Variants in MSRB3 observed in about 807,000 individuals in gnomAD.
MSRB3 encodes the protein methionine sulfoxide reductase B3.
In MSRB3, 13 loss-of-function variants were observed where a neutral mutation model predicts 21.0. The observed-to-expected ratio is 0.62, with a 90% CI of 0.40 to 0.98. MSRB3 has a LOEUF of 0.98. Among genes scored for constraint, MSRB3 ranks in the 50% least tolerant of loss-of-function variants. The pLI is 0.00. For missense variants in MSRB3, 199 were observed against 230.3 expected (o/e 0.86, Z 0.88); for synonymous variants, 87 against 88.6 (o/e 0.98, Z 0.10).
Position 65,463,538 on chromosome 12 carries a change from C to G in MSRB3, c.*216C>G, listed in dbSNP as rs1883427979. The G allele has an allele frequency of 1.8e-6, 1 of 568,926 alleles. No homozygotes were observed. 35.2% of individuals were successfully genotyped at this position (568,926 alleles called of 1,614,324 possible). On this transcript the variant is annotated 3_prime_UTR_variant, in exon 7 of 7. Coordinates refer to ENST00000308259, the MANE Select transcript of MSRB3 (RefSeq NM_001031679.3). ...TGTTTATAGCTTTAGCAAATGGAGA[C>G]AGCTTTGTGAAACTTCTTCACAAGC... is the stretch of plus-strand genomic sequence containing the variant.
intron 5 of MSRB3, among the ~76,000 whole-genome samples, chr12:65,440,153 T>C (rs1157917028): frequency 1.3e-5 from 2 of 151,758 alleles, no homozygotes; most frequent in East Asian, 1.9e-4. Context: ...ATTATAATAC[T>C]ATAGCATATA....
chr12:65,346,705 T>G (rs1174968429), intron 4 of MSRB3, among the ~76,000 whole-genome samples: 1 of 152,198 alleles, frequency 6.6e-6, no homozygotes, highest in Non-Finnish European at 1.5e-5. Context: ...CTTCTAGGGT[T>G]TTTATGATTT....
At chr12:65,330,715 C>T (rs1875357294) in intron 4 of MSRB3, among the ~76,000 whole-genome samples, 1 of 152,072 alleles carries the variant, frequency 6.6e-6, no homozygotes, top group South Asian at 2.1e-4. Flanking sequence ...AATGACAGTT[C>T]GGCAACTTTA....
chr12:65,439,689 G>GA (rs919293127), intron 5 of MSRB3, among the ~76,000 whole-genome samples: 3 of 150,906 alleles, frequency 2.0e-5, no homozygotes, highest in African/African-American at 7.3e-5. Flanking sequence ...CATTATTATA[G>GA]AAAAAAGATG....
At chr12:65,395,052 A>C (rs1383547559) in intron 5 of MSRB3, among the ~76,000 whole-genome samples, 2 of 152,162 alleles carry the variant, frequency 1.3e-5, no homozygotes, top group African/African-American at 4.8e-5. Context: ...CTAGCCAATT[A>C]GGCCAAAAAA....
chr12:65,379,602 A>G (rs536033719), intron 5 of MSRB3, among the ~76,000 whole-genome samples: 3 of 152,330 alleles, frequency 2.0e-5, no homozygotes, highest in South Asian at 4.1e-4. Flanking sequence ...TGAATTTCAT[A>G]TAAAATAGAA....
At chr12:65,400,551 A>G (rs1880068695) in intron 5 of MSRB3, among the ~76,000 whole-genome samples, 1 of 151,998 alleles carries the variant, frequency 6.6e-6, no homozygotes. Context: ...TATTCTTTTC[A>G]AAAAACCAGC....
intron 2 of MSRB3, among the ~76,000 whole-genome samples, chr12:65,323,186 C>T (rs753910748): frequency 2.6e-5 from 4 of 152,130 alleles, no homozygotes; most frequent in East Asian, 1.9e-4. Flanking sequence ...CTTCAGGTCA[C>T]GTGGCTGGGA....
At position 65,369,285 on chromosome 12, in the gene MSRB3, G is replaced by T. The variant is rs546501681; in HGVS notation, c.292+259G>T. Among the ~76,000 whole-genome samples the T allele has an allele frequency of 6.6e-5, 10 of 151,950 alleles. No homozygotes were observed. In the East Asian group the frequency reaches 1.9e-3, roughly 29 times the overall value. On this transcript the variant is annotated intron_variant, in intron 5 of 6. Transcript: ENST00000308259. ...GTTTCATTTTAAAAGCAGAAGTGGG[G>T]GTTATACATACTAATTGCTCAAAGT...
chr12:65,423,314 T>C (rs1447475452), intron 5 of MSRB3, among the ~76,000 whole-genome samples: 1 of 152,196 alleles, frequency 6.6e-6, no homozygotes, highest in African/African-American at 2.4e-5. Flanking sequence ...GTTAAACTTC[T>C]GCCTTTCCAA....
At chr12:65,361,075 A>T (rs972595241) in intron 4 of MSRB3, among the ~76,000 whole-genome samples, 4 of 150,918 alleles carry the variant, frequency 2.7e-5, no homozygotes, top group Non-Finnish European at 4.4e-5. Context: ...ATATAGTGCT[A>T]TTTTTTTTTA....
chr12:65,303,532 C>T (rs1424501295), intron 1 of MSRB3, among the ~76,000 whole-genome samples: 1 of 152,020 alleles, frequency 6.6e-6, no homozygotes, highest in Non-Finnish European at 1.5e-5. Context: ...GCATTATTAG[C>T]AGTTGAGATG....
intron 5 of MSRB3, among the ~76,000 whole-genome samples, chr12:65,401,524 C>A (rs186971348): frequency 3.9e-5 from 6 of 152,114 alleles, no homozygotes; most frequent in Admixed American, 3.3e-4. Flanking sequence ...AGATGGGTAT[C>A]CTGAATACAG....
intron 1 of MSRB3, among the ~76,000 whole-genome samples, chr12:65,303,344 T>G (rs1873455792): frequency 6.6e-6 from 1 of 152,174 alleles, no homozygotes; most frequent in Non-Finnish European, 1.5e-5. Flanking sequence ...CAGATTAACT[T>G]TAATCAAATT....
chr12:65,451,870 G>A (rs1882872748), intron 5 of MSRB3, among the ~76,000 whole-genome samples: 1 of 152,164 alleles, frequency 6.6e-6, no homozygotes, highest in Non-Finnish European at 1.5e-5. Flanking sequence ...AAACATTTGA[G>A]TTGTGCCTTT....
intron 4 of MSRB3, among the ~76,000 whole-genome samples, chr12:65,345,951 A>G (rs1278787729): frequency 6.6e-6 from 1 of 152,152 alleles, no homozygotes; most frequent in African/African-American, 2.4e-5. Flanking sequence ...CATGGTGTAT[A>G]TATGTGCCAC....
intron 2 of MSRB3, among the ~76,000 whole-genome samples, chr12:65,321,609 G>A (rs1418443130): frequency 1.3e-5 from 2 of 152,070 alleles, no homozygotes. Context: ...TGCTTTGTAG[G>A]TTTGTCTTAT....
intron 1 of MSRB3, among the ~76,000 whole-genome samples, chr12:65,294,935 C>A (rs934659151): frequency 6.6e-6 from 1 of 152,110 alleles, no homozygotes; most frequent in Non-Finnish European, 1.5e-5. Flanking sequence ...GATCCTCCCA[C>A]CACAGTCTCC....
chr12:65,378,593 A>G (rs1401969307), intron 5 of MSRB3, among the ~76,000 whole-genome samples: 1 of 152,220 alleles, frequency 6.6e-6, no homozygotes, highest in Non-Finnish European at 1.5e-5. Flanking sequence ...CGATGTGGCC[A>G]TTAGTAGGCC....
Sources: allele counts gnomAD v4.1 joint callset (sites outside exome capture counted in the v4.1 genomes callset), GRCh38; gene constraint gnomAD v4.1.1; transcripts MANE v1.5; gene names NCBI Gene and HGNC (gene_info 2026-07-23, HGNC 2026-07-21).